Variants in STX6 observed in about 807,000 individuals in gnomAD.
STX6 encodes syntaxin-6.
A neutral mutation model predicts 38.0 loss-of-function variants in STX6; 23 were observed. The ratio of observed to expected loss-of-function variants is 0.60; its 90% CI spans 0.43 to 0.86. STX6 has a LOEUF of 0.86. STX6 is among the 40% of genes least tolerant of loss of function. The pLI is 0.00. For missense variants in STX6, 274 were observed against 312.9 expected (o/e 0.88, Z 0.94); for synonymous variants, 123 against 107.5 (o/e 1.14, Z -0.89).
intron 7 of STX6, among the ~76,000 whole-genome samples, chr1:180,978,355 C>A (rs1655310429): frequency 1.3e-5 from 2 of 152,184 alleles, no homozygotes. Context: ...CACGAAGCAA[C>A]AAACTCCATA....
intron 1 of STX6, among the ~76,000 whole-genome samples, chr1:181,014,100 T>C (rs1656485957): frequency 6.6e-6 from 1 of 152,138 alleles, no homozygotes; most frequent in Admixed American, 6.6e-5. Context: ...AGCTTCACAA[T>C]TTAATAAAAA....
chr1:181,017,309 C>T (rs1350337381), intron 1 of STX6, among the ~76,000 whole-genome samples: 4 of 151,526 alleles, frequency 2.6e-5, no homozygotes, highest in African/African-American at 4.9e-5. Flanking sequence ...AGGAGAATGG[C>T]GTGAACCCGG....
In STX6 at chr1:181,022,676, C is replaced by CGTCCCG. The variant is rs1269423789; in HGVS notation, c.-9_-4dup. The CGTCCCG allele has an allele frequency of 4.4e-6, 7 of 1,608,326 alleles. No homozygotes were observed. Among genetic ancestry groups the CGTCCCG allele is most frequent in the Non-Finnish European group, 5.9e-6 (7 of 1,177,830 alleles). ...AAGAAGGGGTCCTCCATGGACATGG[C>CGTCCCG]GTCCCGGCCCCGGCCGCCTTCACCT... is the stretch of plus-strand genomic sequence containing the variant. On this transcript the variant is annotated 5_prime_UTR_variant, in exon 1 of 8. Transcript: ENST00000258301.
rs1364746409 is a variant in STX6 at position 180,988,412 on chromosome 1, T to C, written c.490-67A>G. 4.9e-6 allele frequency: 6 copies of C among 1,221,280 alleles called. No homozygotes were observed. The African/African-American group carries it at 8.9e-5, about 18-fold the overall frequency. 75.7% of individuals were successfully genotyped at this position (1,221,280 alleles called of 1,614,324 possible). A position where few individuals can be genotyped will look rare whatever the true frequency, so the allele number is the denominator to read the frequency against. ...TTACCTGGTTCCAAGCCCAGCACTC[T>C]AGCAGCTGCTAGTTTCTTTGCCAAC... On this transcript the variant is annotated intron_variant, in intron 5 of 7. Coordinates refer to ENST00000258301, the MANE Select transcript of STX6 (RefSeq NM_005819.6).
At chr1:181,002,281 T>C (rs1222865120) in intron 3 of STX6, among the ~76,000 whole-genome samples, 2 of 152,046 alleles carry the variant, frequency 1.3e-5, no homozygotes, top group African/African-American at 4.8e-5. Context: ...TTCCATGTAG[T>C]TGAGACAACA....
intron 5 of STX6, chr1:180,989,289 C>T (rs1382895758): frequency 2.6e-5 from 4 of 151,816 alleles, no homozygotes; most frequent in South Asian, 2.1e-4. Context: ...CTCAAGAGTT[C>T]GAGACCAGCC....
chr1:181,016,644 G>A (rs1656562804), intron 1 of STX6, among the ~76,000 whole-genome samples: 2 of 152,176 alleles, frequency 1.3e-5, no homozygotes, highest in Admixed American at 1.3e-4. Context: ...AATGCGTGAT[G>A]CCCTCGAGGA....
intron 3 of STX6, among the ~76,000 whole-genome samples, chr1:181,000,577 G>C (rs189954281): frequency 6.6e-6 from 1 of 152,124 alleles, no homozygotes. Flanking sequence ...GGATTATGGG[G>C]ATTACAATTC....
chr1:181,022,598 C>G (rs1412332524), intron 1 of STX6, 41 bp downstream of exon 1: 2 of 1,594,348 alleles, frequency 1.3e-6, no homozygotes, highest in Non-Finnish European at 1.7e-6. Flanking sequence ...CAGGCAGCAC[C>G]GCCACCTCTT....
chr1:180,997,673 A>G (rs1259582957), intron 3 of STX6, among the ~76,000 whole-genome samples: 1 of 152,198 alleles, frequency 6.6e-6, no homozygotes, highest in Non-Finnish European at 1.5e-5. Context: ...TACTCTTTTA[A>G]TGTGGCAACT....
chr1:180,992,722 A>G (rs1357909752), intron 4 of STX6, among the ~76,000 whole-genome samples: 1 of 152,234 alleles, frequency 6.6e-6, no homozygotes, highest in African/African-American at 2.4e-5. Context: ...CATTTTTTAA[A>G]AGGACTGTAT....
chr1:181,013,985 C>T (rs1043690676), intron 1 of STX6, among the ~76,000 whole-genome samples: 1 of 152,222 alleles, frequency 6.6e-6, no homozygotes, highest in African/African-American at 2.4e-5. Flanking sequence ...CTTCAGGAGT[C>T]AAGCAGCGTC....
At chr1:180,986,443 A>T (rs1211353918) in intron 6 of STX6, among the ~76,000 whole-genome samples, 1 of 152,250 alleles carries the variant, frequency 6.6e-6, no homozygotes, top group Admixed American at 6.5e-5. Flanking sequence ...CTCAATTCAG[A>T]CTGGCCACAT....
chr1:180,990,152 A>G (rs1372496257), intron 4 of STX6, 43 bp from the exon 5 acceptor site: 1 of 1,611,464 alleles, frequency 6.2e-7, no homozygotes, highest in Non-Finnish European at 8.5e-7. Flanking sequence ...GAAACAAACA[A>G]TTACTATCTC....
intron 7 of STX6, among the ~76,000 whole-genome samples, chr1:180,978,887 T>G (rs1439764860): frequency 6.6e-6 from 1 of 152,150 alleles, no homozygotes; most frequent in Non-Finnish European, 1.5e-5. Context: ...ACCCAGTATA[T>G]CATGTCCACT....
rs146244104 is a variant in STX6, at chr1:180,994,918, T to G, written c.301-1493A>C. ...TATATACATGTATCAAAATATCACATGTACCCTAAAAATATGCACAACCAT... is the reference window on the plus strand; with the variant it reads ...TATATACATGTATCAAAATATCACAGGTACCCTAAAAATATGCACAACCAT... On this transcript the variant is annotated intron_variant, in intron 3 of 7. Transcript: ENST00000258301. 2.0e-4 allele frequency among the ~76,000 whole-genome samples: 30 copies of G among 151,998 alleles called. No individual in the cohort carries two copies. In the Middle Eastern group the frequency reaches 0.01, roughly 52 times the overall value.
intron 7 of STX6, 30 bp from the exon 8 acceptor site, chr1:180,976,676 C>A: frequency 6.3e-7 from 1 of 1,596,848 alleles, no homozygotes; most frequent in South Asian, 1.1e-5. Context: ...GATTAGCTCT[C>A]ACAGGGACTC....
intron 2 of STX6, among the ~76,000 whole-genome samples, chr1:181,003,185 G>A (rs752267615): frequency 2.2e-4 from 33 of 152,232 alleles, no homozygotes; most frequent in Middle Eastern, 3.4e-3. Flanking sequence ...AGCCTGGTCC[G>A]ACGCACCATG....
chr1:180,987,141 A>G (rs1169245703), intron 6 of STX6, among the ~76,000 whole-genome samples: 1 of 152,026 alleles, frequency 6.6e-6, no homozygotes, highest in Non-Finnish European at 1.5e-5. Context: ...GACACATGGA[A>G]CCTCTCTGCT....
Sources: allele counts gnomAD v4.1 joint callset (sites outside exome capture counted in the v4.1 genomes callset), GRCh38; gene constraint gnomAD v4.1.1; transcripts MANE v1.5; gene names NCBI Gene and HGNC (gene_info 2026-07-23, HGNC 2026-07-21).